Variants in SLC23A1 observed in about 807,000 individuals in gnomAD.
SLC23A1 encodes solute carrier family 23 member 1.
Under a neutral mutation model 62.5 loss-of-function variants are expected in SLC23A1, and 31 were observed. That is an observed-to-expected ratio of 0.50 (90% confidence interval 0.37 to 0.67). SLC23A1 has a LOEUF of 0.67. SLC23A1 is among the 30% of genes least tolerant of loss of function. SLC23A1 has a pLI of 0.00. For missense variants in SLC23A1, 640 were observed against 782.7 expected (o/e 0.82, Z 2.18); for synonymous variants, 271 against 313.2 (o/e 0.87, Z 1.42).
intron 14 of SLC23A1, among the ~76,000 whole-genome samples, chr5:139,370,188 G>A (rs1001861383): frequency 6.6e-6 from 1 of 152,090 alleles, no homozygotes; most frequent in Non-Finnish European, 1.5e-5. Context: ...GTTGGTTTTT[G>A]GAGACGGAGT....
intron 14 of SLC23A1, chr5:139,368,935 C>A: frequency 1.6e-6 from 1 of 620,222 alleles, no homozygotes; most frequent in Non-Finnish European, 2.9e-6. Context: ...GTCTTGCATG[C>A]TTAATAAAAG....
In SLC23A1 at chr5:139,379,856, G is replaced by A. The variant is rs374315849; in HGVS notation, c.769-22C>T. The A allele has an allele frequency of 9.9e-6, 16 of 1,613,888 alleles. No homozygotes were observed. In the Admixed American group the frequency reaches 1.3e-4, roughly 13 times the overall value. Reference sequence around the variant, plus strand: ...TGATCTGAAGGAGGGGGGTGAGGGGGCACTGAAGGCACTGGAGGTCTCTGT... The same window carrying A: ...TGATCTGAAGGAGGGGGGTGAGGGGACACTGAAGGCACTGGAGGTCTCTGT... On this transcript the variant is annotated intron_variant, in intron 7 of 14. Transcript: ENST00000348729. The surrounding 1 kb of genome is among the most constrained non-coding windows in gnomAD (Gnocchi z 4.7).
At position 139,378,484 on chromosome 5, in the gene SLC23A1, A is replaced by G; in HGVS notation, c.1179+95T>C. On this transcript the variant is annotated intron_variant, in intron 10 of 14. Coordinates refer to ENST00000348729, the MANE Select transcript of SLC23A1 (RefSeq NM_005847.5). The surrounding 1 kb of genome is among the most constrained non-coding windows in gnomAD (Gnocchi z 4.5). ...GATGCGGGGGCGAGGCCTCTCAAAG[A>G]CAGGGTGGGGCTAAACCAAAGTGGG... The G allele has an allele frequency of 7.0e-7, 1 of 1,425,348 alleles. No individual in the cohort carries two copies. The highest frequency in any genetic ancestry group is 9.6e-7 in the Non-Finnish European group (1 of 1,037,468). 88.3% of individuals were successfully genotyped at this position (1,425,348 alleles called of 1,614,324 possible). A position where few individuals can be genotyped will look rare whatever the true frequency, so the allele number is the denominator to read the frequency against.
In SLC23A1 at chr5:139,371,885, G is replaced by A. The variant is rs903360988; in HGVS notation, c.*19+102C>T. 5 of 890,766 alleles carry A rather than the reference G, an allele frequency of 5.6e-6. No homozygotes were observed. The African/African-American group carries it at 8.4e-5, about 15-fold the overall frequency. The allele number at this position is 890,766 out of a possible 1,614,324, so 55.2% of individuals were successfully genotyped here. A position where few individuals can be genotyped will look rare whatever the true frequency, so the allele number is the denominator to read the frequency against. On this transcript the variant is annotated intron_variant, in intron 14 of 14. Coordinates refer to ENST00000348729, the MANE Select transcript of SLC23A1 (RefSeq NM_005847.5). Reference sequence around the variant, plus strand: ...CCTTCTCTTTGAGGACATTCAAACAGTTTACAAGAAAGAGAACTGAGTAGT... The same window carrying A: ...CCTTCTCTTTGAGGACATTCAAACAATTTACAAGAAAGAGAACTGAGTAGT...
intron 14 of SLC23A1, among the ~76,000 whole-genome samples, chr5:139,368,401 C>T (rs1428088962): frequency 3.3e-5 from 5 of 151,948 alleles, no homozygotes; most frequent in East Asian, 1.9e-4. Context: ...TGGTGGCACG[C>T]GCCTGTAGTC....
At chr5:139,376,931 G>T (rs561765361) in intron 13 of SLC23A1, among the ~76,000 whole-genome samples, 3 of 152,108 alleles carry the variant, frequency 2.0e-5, no homozygotes, top group Non-Finnish European at 4.4e-5. Context: ...AGACCAGCCT[G>T]CCCAATATGG....
Position 139,379,818 on chromosome 5 carries a change from A to C in SLC23A1, c.785T>G (p.Met262Arg), listed in dbSNP as rs1432107279. The C allele has an allele frequency of 3.7e-6, 6 of 1,614,156 alleles. No individual in the cohort carries two copies. Among genetic ancestry groups the C allele is most frequent in the Non-Finnish European group, 5.1e-6 (6 of 1,180,010 alleles). The change falls in exon 8 of 15, where the codon ATG (methionine) becomes AGG (arginine). Residue 262 changes from methionine (M) to arginine (R), a missense_variant. Coordinates refer to ENST00000348729, the MANE Select transcript of SLC23A1 (RefSeq NM_005847.5). The surrounding 1 kb of genome is among the most constrained non-coding windows in gnomAD (Gnocchi z 4.7). ...GACATAGCAGAGCAGCCACACGGTC[A>C]TGATGGCCAGCATGATCTGAAGGAG... ...FKMFPIMLAI[M>R]TVWLLCYVLT...
chr5:139,369,116 C>T (rs1385303419), intron 14 of SLC23A1: 2 of 202,274 alleles, frequency 9.9e-6, no homozygotes, highest in Non-Finnish European at 2.0e-5. Flanking sequence ...GCTAATCTAT[C>T]ACTTGTTAAT....
rs1561968057 is a variant in SLC23A1 at position 139,368,676 on chromosome 5, G to A, written c.*20-1045C>T. ...ATGTTTTTGCATGAGGATCTAGATT[G>A]AATTAGTACCTGAAACTGTGTTAAT... On this transcript the variant is annotated intron_variant, in intron 14 of 14. Transcript: ENST00000348729. 4.4e-6 allele frequency: 5 copies of A among 1,141,906 alleles called. No homozygotes were observed. In the East Asian group the frequency reaches 7.1e-5, roughly 16 times the overall value. The allele number at this position is 1,141,906 out of a possible 1,614,324, so 70.7% of individuals were successfully genotyped here.
At chr5:139,375,767 G>A (rs937194201) in intron 13 of SLC23A1, among the ~76,000 whole-genome samples, 4 of 151,442 alleles carry the variant, frequency 2.6e-5, no homozygotes, top group Admixed American at 2.0e-4. Context: ...CTCAGGAGGC[G>A]GAGGTGGCAG....
chr5:139,380,890 GA>G lies in SLC23A1; in HGVS notation c.309-5del. ...ACTGGCCTGGAACAGCGGCAGCCTG[GA>G]GGAGAGGCACAAAGCAACAGGGGTG... On this transcript the variant is annotated splice_region_variant and splice_polypyrimidine_tract_variant and intron_variant, in intron 3 of 14. Coordinates refer to ENST00000348729, the MANE Select transcript of SLC23A1 (RefSeq NM_005847.5). The G allele has an allele frequency of 7.7e-7, 1 of 1,293,708 alleles. No homozygotes were observed. The highest frequency in any genetic ancestry group is 1.0e-6 in the Non-Finnish European group (1 of 961,528). 80.1% of individuals were successfully genotyped at this position (1,293,708 alleles called of 1,614,324 possible). A position where few individuals can be genotyped will look rare whatever the true frequency, so the allele number is the denominator to read the frequency against.
At chr5:139,370,917 T>TC (rs1757628990) in intron 14 of SLC23A1, among the ~76,000 whole-genome samples, 1 of 151,804 alleles carries the variant, frequency 6.6e-6, no homozygotes, top group Non-Finnish European at 1.5e-5. Context: ...ATGGTGAAAC[T>TC]CCATCTCTAC....
intron 14 of SLC23A1, chr5:139,368,774 T>C (rs954605254): frequency 1.2e-6 from 2 of 1,613,354 alleles, no homozygotes; most frequent in Admixed American, 1.7e-5. Flanking sequence ...AGTTTGTTCC[T>C]GGGGTGAAGT....
chr5:139,379,713 A>G lies in SLC23A1; in HGVS notation c.890T>C (p.Met297Thr), dbSNP rs1758140506. The G allele has an allele frequency of 3.1e-6, 5 of 1,614,014 alleles. No homozygotes were observed. Among genetic ancestry groups the G allele is most frequent in the Non-Finnish European group, 4.2e-6 (5 of 1,179,958 alleles). ...GATGCGGATCCAGGGTGCAATAGCCATGATGTCACCACGGGCATCGGTTCG... is the reference window on the plus strand; with the variant it reads ...GATGCGGATCCAGGGTGCAATAGCCGTGATGTCACCACGGGCATCGGTTCG... ...QARTDARGDI[M>T]AIAPWIRIPY... Residue 297 changes from methionine (M) to threonine (T), a missense_variant, in exon 8 of 15, where the codon ATG (methionine) becomes ACG (threonine). Coordinates refer to ENST00000348729, the MANE Select transcript of SLC23A1 (RefSeq NM_005847.5). The surrounding 1 kb of genome is among the most constrained non-coding windows in gnomAD (Gnocchi z 4.7).
chr5:139,379,584 G>T lies in SLC23A1; in HGVS notation c.925+94C>A. The T allele has an allele frequency of 7.9e-7, 1 of 1,261,156 alleles. No individual in the cohort carries two copies. Among genetic ancestry groups the T allele is most frequent in the Non-Finnish European group, 1.1e-6 (1 of 880,026 alleles). The allele number at this position is 1,261,156 out of a possible 1,614,324, so 78.1% of individuals were successfully genotyped here. A position where few individuals can be genotyped will look rare whatever the true frequency, so the allele number is the denominator to read the frequency against. ...GGCGCACTATAAATGTGCGGCTAAT[G>T]CTAGGTGTGTCACCTGCTGGATTGG... On this transcript the variant is annotated intron_variant, in intron 8 of 14. Transcript: ENST00000348729. The surrounding 1 kb of genome is among the most constrained non-coding windows in gnomAD (Gnocchi z 4.7).
At chr5:139,377,868 T>C (rs998559123) in intron 12 of SLC23A1, 107 bp downstream of exon 12, 2 of 1,097,638 alleles carry the variant, frequency 1.8e-6, no homozygotes, top group East Asian at 2.6e-5. Flanking sequence ...ACACCCAGAG[T>C]TGGGTACGAT....
Position 139,380,277 on chromosome 5 carries a change from G to T in SLC23A1, c.578C>A (p.Ser193Tyr), listed in dbSNP as rs1474977896. 1 of 1,587,968 alleles carries T rather than the reference G, an allele frequency of 6.3e-7. No individual in the cohort carries two copies. Among genetic ancestry groups the T allele is most frequent in the Non-Finnish European group, 8.6e-7 (1 of 1,167,058 alleles). Residue 193 changes from serine (S) to tyrosine (Y), a missense_variant, in exon 6 of 15, where the codon TCC becomes TAC. Ser to Tyr is a moderately radical substitution (Grantham distance 144). Transcript: ENST00000348729. ...TTGGAAGACAGAAAGGCCAATGAGG[G>T]AGACAGTGGGGGTGACTGTGAGAGG... ...IGPLTVTPTV[S>Y]LIGLSVFQAA...
intron 13 of SLC23A1, 69 bp from the exon 14 acceptor site, chr5:139,372,322 A>G: frequency 6.9e-7 from 1 of 1,448,774 alleles, no homozygotes; most frequent in South Asian, 1.2e-5. Flanking sequence ...CCCATAACCC[A>G]GTCCTAAGGC....
Position 139,382,480 on chromosome 5 carries a change from TGG to T in SLC23A1, c.150+10_150+11del. 6.5e-7 allele frequency: 1 copy of T among 1,548,862 alleles called. No individual in the cohort carries two copies. Among genetic ancestry groups the T allele is most frequent in the Non-Finnish European group, 8.9e-7 (1 of 1,121,352 alleles). On this transcript the variant is annotated intron_variant, in intron 2 of 14. Coordinates refer to ENST00000348729, the MANE Select transcript of SLC23A1 (RefSeq NM_005847.5). ...GTGCAGAGTGAGGGCGGGGAGGCCC[TGG>T]GGGACCCACCTGGAAGCCCAGCAGG...
Sources: gnomAD v4.1 joint callset for allele counts (sites outside exome capture counted in the v4.1 genomes callset) on GRCh38, gnomAD v4.1.1 for gene constraint, Gnocchi (gnomAD v3.1) non-coding constraint, MANE v1.5 for transcripts, NCBI Gene and HGNC (gene_info 2026-07-23, HGNC 2026-07-21) for gene names.